Variants in LRRK2 observed in about 807,000 individuals in gnomAD.
The protein encoded by LRRK2 is leucine-rich repeat serine/threonine-protein kinase 2.
Under a neutral mutation model 302.6 loss-of-function variants are expected in LRRK2, and 203 were observed. The observed-to-expected ratio is 0.67, with a 90% CI of 0.60 to 0.75. The LOEUF (loss-of-function observed/expected upper bound fraction) is 0.75, where lower values mean the gene tolerates loss of function less well. LRRK2 is among the 30% of genes least tolerant of loss of function. The pLI is 0.00. For synonymous variants in LRRK2, 1,066 were observed against 1,031.9 expected, an observed-to-expected ratio of 1.03 and a Z score of -0.63; for missense variants, 2,830 against 2,951.0, an observed-to-expected ratio of 0.96 and a Z score of 0.95.
intron 45 of LRRK2, among the ~76,000 whole-genome samples, chr12:40,355,121 A>T (rs1468792806): frequency 6.6e-6 from 1 of 152,172 alleles, no homozygotes; most frequent in Non-Finnish European, 1.5e-5. Flanking sequence ...CTCTGGTTTA[A>T]GTTAGTATTG....
At chr12:40,284,829 A>G (rs1943856051) in intron 19 of LRRK2, among the ~76,000 whole-genome samples, 1 of 152,070 alleles carries the variant, frequency 6.6e-6, no homozygotes, top group African/African-American at 2.4e-5. Context: ...CCATGAATCA[A>G]CACCTTAAGG....
chr12:40,356,669 G>A (rs11564173), intron 46 of LRRK2, among the ~76,000 whole-genome samples: 19,548 of 151,932 alleles, frequency 0.13, 1,442 homozygotes, highest in African/African-American at 0.18. Flanking sequence ...CTTCCTACCC[G>A]TTCATTCTCC....
chr12:40,252,552 G>A (rs761609955), intron 10 of LRRK2, among the ~76,000 whole-genome samples: 50 of 151,924 alleles, frequency 3.3e-4, no homozygotes, highest in Admixed American at 5.9e-4. Flanking sequence ...ATATATTTAC[G>A]TTATACATCT....
intron 16 of LRRK2, among the ~76,000 whole-genome samples, chr12:40,277,466 C>G (rs1300844623): frequency 2.6e-5 from 4 of 152,176 alleles, no homozygotes; most frequent in Non-Finnish European, 5.9e-5. Context: ...GCTAGGCTCT[C>G]TAGAGAACCT....
At chr12:40,285,574 C>T (rs1943889759) in intron 19 of LRRK2, among the ~76,000 whole-genome samples, 1 of 151,826 alleles carries the variant, frequency 6.6e-6, no homozygotes, top group African/African-American at 2.4e-5. Context: ...TCACAATGTA[C>T]TGTTAGGAAT....
chr12:40,294,944 T>G (rs1298458037), intron 22 of LRRK2, 30 bp downstream of exon 22: 1 of 1,343,716 alleles, frequency 7.4e-7, no homozygotes, highest in Admixed American at 1.7e-5. Flanking sequence ...CATAAGTAAA[T>G]AGATATTTTG....
intron 12 of LRRK2, 68 bp downstream of exon 12, chr12:40,257,445 G>A: frequency 1.3e-6 from 2 of 1,540,566 alleles, no homozygotes; most frequent in Non-Finnish European, 1.8e-6. Context: ...AATATTTCAA[G>A]CATATTTCTA....
At chr12:40,225,411 T>C in intron 1 of LRRK2, 129 bp downstream of exon 1, 1 of 1,288,828 alleles carries the variant, frequency 7.8e-7, no homozygotes, top group Non-Finnish European at 1.1e-6. Flanking sequence ...CAAACTCCCA[T>C]ATCCTTTCCT....
intron 31 of LRRK2, 60 bp from the exon 32 acceptor site, chr12:40,313,912 C>G: frequency 1.4e-6 from 2 of 1,444,116 alleles, no homozygotes; most frequent in Non-Finnish European, 1.9e-6. Context: ...AATTTGCCAA[C>G]CATTTGACAA....
At chr12:40,250,992 C>T (rs1319833625) in intron 8 of LRRK2, among the ~76,000 whole-genome samples, 2 of 148,050 alleles carry the variant, frequency 1.4e-5, no homozygotes. Context: ...ATCCTCCTCT[C>T]GTCTATTAGG....
intron 39 of LRRK2, 101 bp downstream of exon 39, chr12:40,328,561 T>G (rs1945620334): frequency 2.3e-6 from 2 of 875,048 alleles, no homozygotes; most frequent in Non-Finnish European, 3.5e-6. Context: ...AATGACCACA[T>G]TTCTACTTAA....
Position 40,274,657 on chromosome 12 carries a change from A to G in LRRK2, c.1731A>G (p.Leu577=). 6.2e-7 allele frequency: 1 copy of G among 1,613,926 alleles called. No homozygotes were observed. Among genetic ancestry groups the G allele is most frequent in the Non-Finnish European group, 8.5e-7 (1 of 1,179,848 alleles). ...ISSIVHFPDA[L]EMLSLEGAMD... ...CTATTGTACATTTTCCTGATGCATT[A>G]GAGATGTTATCCCTGGAAGGTGCTA... Residue 577 remains leucine, a synonymous_variant, in exon 15 of 51, where the codon TTA becomes TTG. Coordinates refer to ENST00000298910, the MANE Select transcript of LRRK2 (RefSeq NM_198578.4).
In LRRK2 at chr12:40,294,862, T is replaced by C. The variant is rs886049357; in HGVS notation, c.2826T>C (p.His942=). 7.1e-6 allele frequency: 11 copies of C among 1,545,874 alleles called. No homozygotes were observed. The highest frequency in any genetic ancestry group is 1.7e-5 in the Admixed American group (1 of 59,558). ...TTTAATAGGGGCCCATTTTTGATCA[T>C]GAAGATTTACTGAAGCGAAAAAGAA... ...HSNSLGPIFD[H]EDLLKRKRKI... Residue 942 remains histidine (H), a synonymous_variant, in exon 22 of 51, where the codon CAT becomes CAC. Coordinates refer to ENST00000298910, the MANE Select transcript of LRRK2 (RefSeq NM_198578.4).
chr12:40,236,855 G>T (rs373622326), intron 4 of LRRK2, among the ~76,000 whole-genome samples: 1 of 151,998 alleles, frequency 6.6e-6, no homozygotes, highest in Non-Finnish European at 1.5e-5. Flanking sequence ...CCCTTGGGAG[G>T]TATTTTTTTT....
chr12:40,236,550 A>G (rs1941475645), intron 4 of LRRK2, among the ~76,000 whole-genome samples: 1 of 152,148 alleles, frequency 6.6e-6, no homozygotes, highest in African/African-American at 2.4e-5. Flanking sequence ...ACAGGGAGCT[A>G]ATCTTGAAGG....
chr12:40,239,415 G>A (rs1439658037), intron 5 of LRRK2, among the ~76,000 whole-genome samples: 2 of 152,134 alleles, frequency 1.3e-5, no homozygotes, highest in African/African-American at 4.8e-5. Context: ...TGCAGGGTCT[G>A]TAATCTTCTG....
rs200789262 is a variant in LRRK2, at chr12:40,232,368, T to C, written c.332T>C (p.Val111Ala). Residue 111 changes from valine (V) to alanine (A), a missense_variant, in exon 3 of 51, where the codon GTC becomes GCC. Transcript: ENST00000298910. Reference sequence around the variant, plus strand: ...CAGGATGTTGGAAATGATTGGGAAGTCCTTGGTGTTCACCAGTAAGTATGA... The same window carrying C: ...CAGGATGTTGGAAATGATTGGGAAGCCCTTGGTGTTCACCAGTAAGTATGA... Reference protein sequence around the residue: ...GPQDVGNDWEVLGVHQLILKM... With the variant: ...GPQDVGNDWEALGVHQLILKM... 17 of 1,612,896 alleles carry C rather than the reference T, an allele frequency of 1.1e-5. No individual in the cohort carries two copies. Among genetic ancestry groups the C allele is most frequent in the Middle Eastern group, 1.7e-4 (1 of 6,056 alleles).
intron 38 of LRRK2, among the ~76,000 whole-genome samples, chr12:40,327,922 A>C (rs1417805715): frequency 1.3e-5 from 2 of 152,212 alleles, no homozygotes; most frequent in Non-Finnish European, 2.9e-5. Flanking sequence ...CATCAGCTAT[A>C]TGGAAGGTAG....
At chr12:40,293,822 CATATT>C (rs1401562559) in intron 21 of LRRK2, among the ~76,000 whole-genome samples, 159 bp downstream of exon 21, 2 of 150,884 alleles carry the variant, frequency 1.3e-5, no homozygotes, top group East Asian at 1.9e-4. Flanking sequence ...GATATGAAAA[CATATT>C]AGATGTAAAT....
Sources: allele counts gnomAD v4.1 joint callset (sites outside exome capture counted in the v4.1 genomes callset), GRCh38; gene constraint gnomAD v4.1.1; transcripts MANE v1.5; gene names NCBI Gene and HGNC (gene_info 2026-07-23, HGNC 2026-07-21).